RIMS3: variants seen among roughly 807,000 people sequenced by gnomAD.
RIMS3 encodes the protein regulating synaptic membrane exocytosis 3.
Under a neutral mutation model 29.2 loss-of-function variants are expected in RIMS3, and 15 were observed. That is an observed-to-expected ratio of 0.51 (90% CI 0.34 to 0.79). The LOEUF (loss-of-function observed/expected upper bound fraction) is 0.79, where lower values mean the gene tolerates loss of function less well. Among genes scored for constraint, RIMS3 ranks in the 30% least tolerant of loss-of-function variants. The probability of loss-of-function intolerance (pLI) is 0.01; values close to 1 mark genes in which losing one functional copy is unlikely to be tolerated. For synonymous variants in RIMS3, 161 were observed against 170.1 expected, an observed-to-expected ratio of 0.95 and a Z score of 0.41; for missense variants, 342 against 421.4, an observed-to-expected ratio of 0.81 and a Z score of 1.65.
chr1:40,635,026 T>G lies in RIMS3; in HGVS notation c.359+890A>C, dbSNP rs1195582941. Reference sequence around the variant, plus strand: ...GATTCCAGTGTAAGAATCACCTATCTGAGATGCCCAGGCATGCTCTGCACC... The same window carrying G: ...GATTCCAGTGTAAGAATCACCTATCGGAGATGCCCAGGCATGCTCTGCACC... On this transcript the variant is annotated intron_variant, in intron 4 of 7. Transcript: ENST00000372684. The surrounding 1 kb of genome is among the most constrained non-coding windows in gnomAD (Gnocchi z 4.1). Among the ~76,000 whole-genome samples the G allele has an allele frequency of 6.6e-6, 1 of 151,988 alleles. No homozygotes were observed. Among genetic ancestry groups the G allele is most frequent in the Non-Finnish European group, 1.5e-5 (1 of 68,014 alleles).
chr1:40,643,783 C>T (rs754677130), intron 2 of RIMS3, among the ~76,000 whole-genome samples: 11 of 152,094 alleles, frequency 7.2e-5, no homozygotes, highest in Non-Finnish European at 1.0e-4. Flanking sequence ...CCAGCCTAAG[C>T]ATCTTTCTAC....
At chr1:40,638,450 C>T (rs1646534789) in intron 3 of RIMS3, among the ~76,000 whole-genome samples, 1 of 152,174 alleles carries the variant, frequency 6.6e-6, no homozygotes, top group African/African-American at 2.4e-5. Flanking sequence ...CAGTTGCTTG[C>T]AATAATTCTA....
the RIMS3 span, among the ~76,000 whole-genome samples, chr1:40,689,360 C>T: frequency 4.6e-5 from 7 of 152,164 alleles, no homozygotes; most frequent in African/African-American, 1.4e-4. Context: ...TTGCTCACTG[C>T]AACCTCCAAC....
the RIMS3 span, among the ~76,000 whole-genome samples, chr1:40,678,072 G>A: frequency 6.6e-6 from 1 of 152,182 alleles, no homozygotes; most frequent in Non-Finnish European, 1.5e-5. Flanking sequence ...GACAGAAAAG[G>A]TTGAGAACCA....
chr1:40,670,540 G>C (rs914993159), upstream of RIMS3, among the ~76,000 whole-genome samples: 12 of 129,638 alleles, frequency 9.3e-5, no homozygotes, highest in African/African-American at 3.6e-4. Flanking sequence ...ACAGACCTTA[G>C]GATATAAATT....
the RIMS3 span, among the ~76,000 whole-genome samples, chr1:40,677,523 C>T: frequency 2.6e-5 from 4 of 151,274 alleles, no homozygotes; most frequent in Non-Finnish European, 5.9e-5. Context: ...ACGGTGAAAC[C>T]CCGTCTTCAC....
At chr1:40,647,426 G>C (rs1646603074) in intron 2 of RIMS3, among the ~76,000 whole-genome samples, 1 of 152,162 alleles carries the variant, frequency 6.6e-6, no homozygotes, top group Non-Finnish European at 1.5e-5. Context: ...CAGGGCACCA[G>C]CACCAGCTGA....
At chr1:40,668,421 C>G (rs1218216336), upstream of RIMS3, among the ~76,000 whole-genome samples, 2 of 134,552 alleles carry the variant, frequency 1.5e-5, no homozygotes, top group Non-Finnish European at 1.5e-5. Context: ...GACCTTGTCT[C>G]TAAATGAATG....
At chr1:40,668,123 C>T (rs984860109), upstream of RIMS3, among the ~76,000 whole-genome samples, 3 of 151,922 alleles carry the variant, frequency 2.0e-5, no homozygotes, top group Non-Finnish European at 4.4e-5. Context: ...TGGTGGCATG[C>T]ACCTGTAGTC....
At chr1:40,634,632 T>C (rs1022928835) in intron 4 of RIMS3, among the ~76,000 whole-genome samples, 4 of 152,196 alleles carry the variant, frequency 2.6e-5, no homozygotes, top group Non-Finnish European at 4.4e-5. Context: ...CCCACAACCC[T>C]CAGGGTTGCT....
chr1:40,685,963 C>T, the RIMS3 span, among the ~76,000 whole-genome samples: 1 of 152,044 alleles, frequency 6.6e-6, no homozygotes, highest in Non-Finnish European at 1.5e-5. Context: ...GCTTGGCCAA[C>T]ATGGTGAAAC....
At chr1:40,660,137 G>A (rs1003293798) in intron 1 of RIMS3, among the ~76,000 whole-genome samples, 1 of 152,142 alleles carries the variant, frequency 6.6e-6, no homozygotes, top group Non-Finnish European at 1.5e-5. Flanking sequence ...GACTAACAGG[G>A]CTTGCTGAGG....
intron 4 of RIMS3, among the ~76,000 whole-genome samples, chr1:40,634,854 T>A (rs754630604): frequency 1.3e-5 from 2 of 151,354 alleles, no homozygotes; most frequent in African/African-American, 2.4e-5. Context: ...GGCAGGAGAA[T>A]CGCTTGAACC....
chr1:40,629,330 T>A lies in RIMS3; in HGVS notation c.515A>T (p.Glu172Val), dbSNP rs1346048130. ...GCCCCGAGCTTCAATCACTTCCACC[T>A]CCAGCTGGCCACTCCGGTCCATGAT... ...IAIMDRSGQL[E>V]VEVIEARGLT... The change falls in exon 6 of 8, where the codon GAG becomes GTG. Residue 172 changes from glutamate (E) to valine (V), a missense_variant. Transcript: ENST00000372684. 9 of 1,614,068 alleles carry A rather than the reference T, an allele frequency of 5.6e-6. No homozygotes were observed. Among genetic ancestry groups the A allele is most frequent in the Non-Finnish European group, 7.6e-6 (9 of 1,180,002 alleles).
At chr1:40,637,042 TG>T (rs1304400387) in intron 3 of RIMS3, among the ~76,000 whole-genome samples, 3 of 152,096 alleles carry the variant, frequency 2.0e-5, no homozygotes, top group Non-Finnish European at 2.9e-5. Context: ...GGCCCTCAGA[TG>T]GGAACTGCAC....
At chr1:40,685,059 A>G in the RIMS3 span, among the ~76,000 whole-genome samples, 1 of 152,116 alleles carries the variant, frequency 6.6e-6, no homozygotes, top group Non-Finnish European at 1.5e-5. Context: ...TCTGGGAGCC[A>G]AATTACCCTG....
At chr1:40,679,031 C>T in the RIMS3 span, among the ~76,000 whole-genome samples, 1 of 152,210 alleles carries the variant, frequency 6.6e-6, no homozygotes, top group Non-Finnish European at 1.5e-5. Context: ...GGGAAAGTGT[C>T]GCTAGACCCC....
chr1:40,635,209 A>T lies in RIMS3; in HGVS notation c.359+707T>A, dbSNP rs950162611. Among the ~76,000 whole-genome samples the T allele has an allele frequency of 3.3e-5, 5 of 152,230 alleles. No homozygotes were observed. The highest frequency in any genetic ancestry group is 7.3e-5 in the Non-Finnish European group (5 of 68,040). ...AGAAGCAGAAAATCTTAGTCATACA[A>T]CTATAATTTCATAGACTTAGAAGAG... On this transcript the variant is annotated intron_variant, in intron 4 of 7. Transcript: ENST00000372684. This position sits in a 1 kb window ranked among gnomAD's most constrained non-coding sequence, Gnocchi z 4.1.
rs1642242384 is a variant in RIMS3, at chr1:40,654,398, A to G, written c.-206-6556T>C. Among the ~76,000 whole-genome samples, 1 of 152,166 alleles carries G rather than the reference A, an allele frequency of 6.6e-6. No homozygotes were observed. The highest frequency in any genetic ancestry group is 2.4e-5 in the African/African-American group (1 of 41,424). On this transcript the variant is annotated intron_variant, in intron 1 of 7. Coordinates refer to ENST00000372684, the MANE Select transcript of RIMS3 (RefSeq NM_014747.3). This position sits in a 1 kb window ranked among gnomAD's most constrained non-coding sequence, Gnocchi z 5.3. The stretch of plus-strand genomic sequence containing the variant: ...CCACCCCCGGACCCTTTCAGGGCAC[A>G]AAGACCCGCACGCAAGCCATACACC...
Sources: gnomAD v4.1 joint callset for allele counts (sites outside exome capture counted in the v4.1 genomes callset) on GRCh38, gnomAD v4.1.1 for gene constraint, Gnocchi (gnomAD v3.1) non-coding constraint, MANE v1.5 for transcripts, NCBI Gene and HGNC (gene_info 2026-07-23, HGNC 2026-07-21) for gene names.